The following TANGO6 variants were observed in gnomAD, a reference collection of about 807,000 sequenced individuals.
TANGO6 encodes the protein transport and golgi organization 6 homolog.
Under a neutral mutation model 114.2 loss-of-function variants are expected in TANGO6, and 90 were observed. The ratio of observed to expected loss-of-function variants is 0.79; its 90% confidence interval spans 0.66 to 0.94. The LOEUF (loss-of-function observed/expected upper bound fraction) is 0.94. TANGO6 is among the 40% of genes least tolerant of loss of function. The pLI is 0.00. For missense variants in TANGO6, 1,274 were observed against 1,315.3 expected (o/e 0.97, Z 0.49); for synonymous variants, 477 against 509.8 (o/e 0.94, Z 0.87).
At chr16:68,951,517 C>G (rs17716146) in intron 14 of TANGO6, among the ~76,000 whole-genome samples, 1 of 151,882 alleles carries the variant, frequency 6.6e-6, no homozygotes, top group East Asian at 1.9e-4. Flanking sequence ...AGGCTGGATT[C>G]AACTCCAAAG....
chr16:68,997,153 A>AG (rs1963999160), intron 15 of TANGO6, among the ~76,000 whole-genome samples: 1 of 152,250 alleles, frequency 6.6e-6, no homozygotes, highest in African/African-American at 2.4e-5. Context: ...TAAGTGTCAC[A>AG]GGGTGAATCC....
intron 14 of TANGO6, among the ~76,000 whole-genome samples, chr16:68,931,761 G>T (rs1390858548): frequency 6.6e-6 from 1 of 152,160 alleles, no homozygotes; most frequent in African/African-American, 2.4e-5. Context: ...GATAGTTGAG[G>T]GTGATAGGTA....
chr16:69,037,326 G>T (rs1191397612), intron 16 of TANGO6, among the ~76,000 whole-genome samples: 1 of 152,092 alleles, frequency 6.6e-6, no homozygotes, highest in Non-Finnish European at 1.5e-5. Context: ...GGTGACAAAG[G>T]CAGACACCAA....
chr16:69,001,326 C>T (rs1029401226), intron 15 of TANGO6, among the ~76,000 whole-genome samples: 1 of 152,090 alleles, frequency 6.6e-6, no homozygotes, highest in Non-Finnish European at 1.5e-5. Flanking sequence ...ATTTAGCAAA[C>T]CAAATTTTGA....
At chr16:68,854,245 G>T (rs887661957) in intron 1 of TANGO6, among the ~76,000 whole-genome samples, 4 of 152,132 alleles carry the variant, frequency 2.6e-5, no homozygotes, top group Non-Finnish European at 4.4e-5. Context: ...CTTAAGCATA[G>T]GAGTTCAAGA....
chr16:68,978,925 ATTTTT>A (rs58270481), intron 15 of TANGO6, among the ~76,000 whole-genome samples: 1 of 134,652 alleles, frequency 7.4e-6, no homozygotes, highest in Non-Finnish European at 1.6e-5. Context: ...AAAGTATATG[ATTTTT>A]TTTTTTTTTT....
intron 11 of TANGO6, among the ~76,000 whole-genome samples, chr16:68,913,994 G>C (rs973404499): frequency 2.0e-5 from 3 of 151,984 alleles, no homozygotes; most frequent in African/African-American, 7.3e-5. Context: ...AAAAATAGGA[G>C]GTATAAATTG....
At chr16:68,979,438 C>T (rs1344719014) in intron 15 of TANGO6, among the ~76,000 whole-genome samples, 1 of 152,162 alleles carries the variant, frequency 6.6e-6, no homozygotes, top group African/African-American at 2.4e-5. Flanking sequence ...TCATGTTGGC[C>T]AGGCTGGTCG....
chr16:69,031,948 T>A (rs568136640), intron 16 of TANGO6, among the ~76,000 whole-genome samples: 14 of 151,010 alleles, frequency 9.3e-5, no homozygotes, highest in Admixed American at 7.9e-4. Context: ...CAGGAATGAG[T>A]CACTCCGCCC....
At chr16:69,042,846 G>T (rs1959794649) in intron 17 of TANGO6, among the ~76,000 whole-genome samples, 1 of 152,214 alleles carries the variant, frequency 6.6e-6, no homozygotes, top group African/African-American at 2.4e-5. Flanking sequence ...AACAGTAGGG[G>T]AATGGAGGGG....
intron 1 of TANGO6, among the ~76,000 whole-genome samples, chr16:68,850,255 A>T (rs973807300): frequency 1.3e-5 from 2 of 152,222 alleles, no homozygotes; most frequent in East Asian, 3.9e-4. Context: ...TACAGGTGTG[A>T]GCCACTGCGT....
At chr16:68,861,194 TAC>T in intron 2 of TANGO6, among the ~76,000 whole-genome samples, 1 of 152,096 alleles carries the variant, frequency 6.6e-6, no homozygotes, top group Non-Finnish European at 1.5e-5. Context: ...CAGGAAGCAC[TAC>T]CCCCGCCATG....
chr16:68,860,130 C>T lies in TANGO6; in HGVS notation c.341C>T (p.Ala114Val). 1 of 1,614,048 alleles carries T rather than the reference C, an allele frequency of 6.2e-7. No homozygotes were observed. Among genetic ancestry groups the T allele is most frequent in the African/African-American group, 1.3e-5 (1 of 75,060 alleles). ...AAGGAAACCATGATCCGCCTTGCAG[C>T]TAATTTCAATCCAGGTAAACCCAAC... is the stretch of plus-strand genomic sequence containing the variant. Reference protein sequence around the residue: ...CLKETMIRLAANFNPGKPNPR... With the variant: ...CLKETMIRLAVNFNPGKPNPR... The change falls in exon 2 of 18, where the codon GCT becomes GTT. Residue 114 changes from alanine to valine, a missense_variant. Physicochemically the swap from Ala to Val is moderately conservative, Grantham distance 64. Around this residue, in one of 5 missense-constraint regions of TANGO6, gnomAD observed 908 missense variants for 910.2 expected, o/e 1.00. Transcript: ENST00000261778.
At chr16:68,930,962 GCT>G (rs1963231932) in intron 14 of TANGO6, among the ~76,000 whole-genome samples, 1 of 152,046 alleles carries the variant, frequency 6.6e-6, no homozygotes, top group Non-Finnish European at 1.5e-5. Flanking sequence ...ATGCACCTTT[GCT>G]CTCTCGTTAA....
At position 68,984,028 on chromosome 16, in the gene TANGO6, G is replaced by A. The variant is rs559838857; in HGVS notation, c.2842+9860G>A. ...AGCCTGGGCGACAGAGCAAGACTCC[G>A]TCTCAAAAAGAAAAAAAAAAAAAAA... On this transcript the variant is annotated intron_variant, in intron 15 of 17. Transcript: ENST00000261778. Among the ~76,000 whole-genome samples the A allele has an allele frequency of 5.4e-4, 79 of 146,006 alleles. No homozygotes were observed. The South Asian group carries it at 0.016, about 29-fold the overall frequency.
intron 17 of TANGO6, among the ~76,000 whole-genome samples, chr16:69,045,880 A>T (rs1567565146): frequency 6.6e-6 from 1 of 151,278 alleles, no homozygotes; most frequent in Admixed American, 6.6e-5. Context: ...CCTGGCCAAC[A>T]TAGTGAAACC....
chr16:68,987,699 T>C (rs1406452759), intron 15 of TANGO6, among the ~76,000 whole-genome samples: 1 of 152,230 alleles, frequency 6.6e-6, no homozygotes, highest in African/African-American at 2.4e-5. Context: ...AACAGATCTT[T>C]TCCTAAAATT....
At chr16:68,941,616 C>A (rs1963354289) in intron 14 of TANGO6, among the ~76,000 whole-genome samples, 1 of 152,000 alleles carries the variant, frequency 6.6e-6, no homozygotes, top group Non-Finnish European at 1.5e-5. Context: ...CACAGTGGTG[C>A]ATTCCTGTAG....
At chr16:68,916,341 G>A (rs1427374120) in intron 11 of TANGO6, among the ~76,000 whole-genome samples, 3 of 152,074 alleles carry the variant, frequency 2.0e-5, no homozygotes, top group African/African-American at 7.2e-5. Flanking sequence ...CACAAACCCT[G>A]TTGTGAACCG....
Sources: allele counts gnomAD v4.1 joint callset (sites outside exome capture counted in the v4.1 genomes callset), GRCh38; gene constraint gnomAD v4.1.1; regional missense constraint gnomAD v4.1.1; transcripts MANE v1.5; gene names NCBI Gene and HGNC (gene_info 2026-07-23, HGNC 2026-07-21).